The following TENM3 variants were observed in gnomAD, a reference collection of about 807,000 sequenced individuals.
TENM3 encodes the protein teneurin-3.
Under a neutral mutation model 255.1 loss-of-function variants are expected in TENM3, and 63 were observed. That is an observed-to-expected ratio of 0.25 (90% CI 0.20 to 0.30). The LOEUF is 0.30. Ranked by LOEUF, TENM3 falls within the 10% of genes least tolerant of loss-of-function variation. TENM3 has a pLI of 1.00. For synonymous variants in TENM3, 1,306 were observed against 1,322.3 expected (o/e 0.99, Z 0.27); for missense variants, 2,929 against 3,461.1 (o/e 0.85, Z 3.86).
At chr4:182,610,641 C>T (rs1242711818) in intron 4 of TENM3, among the ~76,000 whole-genome samples, 1 of 152,156 alleles carries the variant, frequency 6.6e-6, no homozygotes, top group Non-Finnish European at 1.5e-5. Context: ...TATGATCGCA[C>T]CACTGTCCTC....
the TENM3 span, among the ~76,000 whole-genome samples, chr4:181,543,410 TA>T: frequency 6.6e-6 from 1 of 152,052 alleles, no homozygotes; most frequent in Admixed American, 6.6e-5. Context: ...AAAAATACCT[TA>T]AGATATGGAT....
chr4:181,932,725 T>A, the TENM3 span, among the ~76,000 whole-genome samples: 1 of 152,180 alleles, frequency 6.6e-6, no homozygotes, highest in Non-Finnish European at 1.5e-5. Flanking sequence ...ATATGTTTAT[T>A]GCAGCACTGT....
chr4:181,964,211 C>T, the TENM3 span, among the ~76,000 whole-genome samples: 1 of 151,854 alleles, frequency 6.6e-6, no homozygotes, highest in Non-Finnish European at 1.5e-5. Flanking sequence ...TAGGTGGTGA[C>T]CACAGAGGCA....
At chr4:181,818,501 A>G in the TENM3 span, among the ~76,000 whole-genome samples, 1 of 152,140 alleles carries the variant, frequency 6.6e-6, no homozygotes, top group Non-Finnish European at 1.5e-5. Flanking sequence ...TCCTTGCAGT[A>G]AATCTCTTTT....
the TENM3 span, among the ~76,000 whole-genome samples, chr4:182,052,091 A>G: frequency 1.3e-5 from 2 of 152,252 alleles, no homozygotes; most frequent in South Asian, 2.1e-4. Context: ...AAGTCCCCAC[A>G]GCAAAGGATT....
chr4:181,519,174 C>G, the TENM3 span, among the ~76,000 whole-genome samples: 1 of 152,120 alleles, frequency 6.6e-6, no homozygotes, highest in African/African-American at 2.4e-5. Flanking sequence ...ACTGTGAAAA[C>G]TTATTGTACC....
intron 27 of TENM3, among the ~76,000 whole-genome samples, chr4:182,797,758 AAGG>A (rs563915852): frequency 5.9e-5 from 9 of 152,288 alleles, no homozygotes; most frequent in African/African-American, 2.2e-4. Context: ...CCATGATCAT[AAGG>A]AGAAGACAGT....
chr4:182,315,391 G>C (rs571516522), intron 1 of TENM3, among the ~76,000 whole-genome samples: 3 of 150,752 alleles, frequency 2.0e-5, no homozygotes, highest in Non-Finnish European at 4.4e-5. Flanking sequence ...ATTTTCATGG[G>C]ATATAAAATT....
At chr4:182,144,639 C>G (rs1420036788), upstream of TENM3, 2 of 147,090 alleles carry the variant, frequency 1.4e-5, no homozygotes, top group African/African-American at 5.0e-5. Flanking sequence ...CGGCGGGGCC[C>G]CCCTCCCCCG....
chr4:182,131,974 T>G, the TENM3 span, among the ~76,000 whole-genome samples: 1 of 152,180 alleles, frequency 6.6e-6, no homozygotes, highest in African/African-American at 2.4e-5. Flanking sequence ...CCTGGAAATT[T>G]TTTATCAGGC....
At chr4:181,966,067 A>C in the TENM3 span, among the ~76,000 whole-genome samples, 1 of 152,238 alleles carries the variant, frequency 6.6e-6, no homozygotes, top group African/African-American at 2.4e-5. Flanking sequence ...AAATGCCTGC[A>C]TATCAATTTG....
At chr4:181,640,461 G>T in the TENM3 span, among the ~76,000 whole-genome samples, 1 of 152,074 alleles carries the variant, frequency 6.6e-6, no homozygotes, top group African/African-American at 2.4e-5. Context: ...TTTCCTGCAG[G>T]CATCTATTTA....
chr4:181,968,992 C>CTATATATATA, the TENM3 span, among the ~76,000 whole-genome samples: 11 of 116,102 alleles, frequency 9.5e-5, no homozygotes, highest in South Asian at 2.9e-3. Context: ...CTCTCTCTCT[C>CTATATATATA]TATATACATA....
intron 3 of TENM3, among the ~76,000 whole-genome samples, chr4:182,420,374 A>G (rs951337484): frequency 6.6e-6 from 1 of 152,188 alleles, no homozygotes; most frequent in African/African-American, 2.4e-5. Flanking sequence ...CCAGTCATCC[A>G]TAGACAATAA....
chr4:182,785,644 G>T (rs578260619), intron 24 of TENM3, among the ~76,000 whole-genome samples: 16 of 149,250 alleles, frequency 1.1e-4, no homozygotes, highest in African/African-American at 4.0e-4. Flanking sequence ...GACAGTCGAG[G>T]CTGCAGTGAG....
chr4:181,578,991 C>T, the TENM3 span, among the ~76,000 whole-genome samples: 2 of 152,134 alleles, frequency 1.3e-5, no homozygotes. Flanking sequence ...TGCACATAGC[C>T]AGCTTCCTGT....
At chr4:182,142,243 G>A (rs1041735946), upstream of TENM3, 14 of 152,256 alleles carry the variant, frequency 9.2e-5, no homozygotes, top group African/African-American at 3.4e-4. Flanking sequence ...CTATCCCAGG[G>A]CGACTCTAGA....
chr4:181,569,601 G>T, the TENM3 span, among the ~76,000 whole-genome samples: 6 of 152,228 alleles, frequency 3.9e-5, no homozygotes, highest in African/African-American at 1.4e-4. Flanking sequence ...AACCAGTTAA[G>T]AATCTGAAAG....
At chr4:181,994,006 A>G in the TENM3 span, among the ~76,000 whole-genome samples, 1 of 152,150 alleles carries the variant, frequency 6.6e-6, no homozygotes, top group African/African-American at 2.4e-5. Context: ...AAGTTTGTAT[A>G]CATGTCTTTA....
Sources: gnomAD v4.1 joint callset for allele counts (sites outside exome capture counted in the v4.1 genomes callset) on GRCh38, gnomAD v4.1.1 for gene constraint, MANE v1.5 for transcripts, NCBI Gene and HGNC (gene_info 2026-07-23, HGNC 2026-07-21) for gene names.